SH2D1A: variants seen among roughly 807,000 people sequenced by gnomAD.
SH2D1A encodes SH2 domain containing 1A.
SH2D1A carries 6 observed loss-of-function variants against 10.1 expected under a neutral mutation model. The ratio of observed to expected loss-of-function variants is 0.60; its 90% CI spans 0.33 to 1.18. The LOEUF (loss-of-function observed/expected upper bound fraction) is 1.18. Among genes scored for constraint, SH2D1A ranks in the 50% most tolerant of loss-of-function variants. SH2D1A has a pLI of 0.04. For missense variants in SH2D1A, 51 were observed against 97.6 expected, an observed-to-expected ratio of 0.52 and a Z score of 2.01; for synonymous variants, 42 against 36.9, an observed-to-expected ratio of 1.14 and a Z score of -0.51.
chrX:124,371,832 A>C lies in SH2D1A; in HGVS notation c.*441A>C, dbSNP rs2060070084. ...GTCCCTTGTCTTTGCCAAGTTCTCCACTAGCTATGGTGTCATAGGCTCTTT... is the reference window on the plus strand; with the variant it reads ...GTCCCTTGTCTTTGCCAAGTTCTCCCCTAGCTATGGTGTCATAGGCTCTTT... On this transcript the variant is annotated 3_prime_UTR_variant, in exon 4 of 4. Transcript: ENST00000371139. 1.2e-5 allele frequency: 2 copies of C among 162,280 alleles called. No individual in the cohort carries two copies. The highest frequency in any genetic ancestry group is 2.4e-5 in the Non-Finnish European group (2 of 84,642). 13.4% of individuals were successfully genotyped at this position (162,280 alleles called of 1,213,427 possible). A position where few individuals can be genotyped will look rare whatever the true frequency, so the allele number is the denominator to read the frequency against.
chrX:124,358,846 C>T (rs1056790587), intron 1 of SH2D1A, among the ~76,000 whole-genome samples: 5 of 111,776 alleles, frequency 4.5e-5, no homozygotes, highest in African/African-American at 1.6e-4. Context: ...TTTAACAGGT[C>T]TGGGTGGGGC....
intron 1 of SH2D1A, among the ~76,000 whole-genome samples, chrX:124,356,749 G>C (rs777150128): frequency 8.9e-6 from 1 of 112,341 alleles, no homozygotes; most frequent in Non-Finnish European, 1.9e-5. Flanking sequence ...GTGAGCCATC[G>C]TGCCCAGCCA....
intron 1 of SH2D1A, among the ~76,000 whole-genome samples, chrX:124,356,038 C>T (rs775625402): frequency 9.5e-6 from 1 of 105,775 alleles, no homozygotes; most frequent in African/African-American, 3.5e-5. Flanking sequence ...TTAGGTATAT[C>T]TCCTAATGCT....
intron 2 of SH2D1A, among the ~76,000 whole-genome samples, chrX:124,368,387 G>A (rs1028393173): frequency 1.8e-5 from 2 of 111,368 alleles, no homozygotes; most frequent in African/African-American, 3.3e-5. Flanking sequence ...GTGGTCCGCC[G>A]GTCTCAGCCT....
At chrX:124,364,098 G>C (rs143909487) in intron 1 of SH2D1A, among the ~76,000 whole-genome samples, 3,298 of 108,728 alleles carry the variant, frequency 0.03, 51 homozygotes, top group Middle Eastern at 0.074. Flanking sequence ...AACAGCCTCG[G>C]GCAGGTCCCT....
chrX:124,354,057 A>G (rs1236480454), intron 1 of SH2D1A, among the ~76,000 whole-genome samples: 3 of 112,106 alleles, frequency 2.7e-5, no homozygotes, highest in East Asian at 2.8e-4. Flanking sequence ...ATTCAATTGG[A>G]TATGTGCCTT....
chrX:124,348,780 T>C (rs952314483), intron 1 of SH2D1A, among the ~76,000 whole-genome samples: 4 of 112,147 alleles, frequency 3.6e-5, no homozygotes, highest in Admixed American at 2.8e-4. Context: ...GAACACATAA[T>C]AGGCACTCAG....
intron 1 of SH2D1A, among the ~76,000 whole-genome samples, chrX:124,351,790 CTA>C (rs1305709288): frequency 1.8e-5 from 2 of 110,701 alleles, no homozygotes; most frequent in African/African-American, 3.3e-5. Flanking sequence ...TAAACACACT[CTA>C]TGTGTATATA....
chrX:124,356,523 C>A (rs2060027015), intron 1 of SH2D1A, among the ~76,000 whole-genome samples: 1 of 112,666 alleles, frequency 8.9e-6, no homozygotes, highest in Non-Finnish European at 1.9e-5. Context: ...TCTCAGCTCA[C>A]TGCAACCCCT....
chrX:124,369,420 T>A (rs895773480), intron 2 of SH2D1A, among the ~76,000 whole-genome samples: 5 of 111,965 alleles, frequency 4.5e-5, no homozygotes, highest in African/African-American at 1.6e-4. Context: ...ATTTTAATAG[T>A]CACCTGCAAA....
rs542093817 is a variant in SH2D1A, at chrX:124,360,021, C to T, written c.138-5740C>T. Among the ~76,000 whole-genome samples, 55 of 110,119 alleles carry T rather than the reference C, an allele frequency of 5.0e-4. No homozygotes were observed. In the South Asian group the frequency reaches 0.014, roughly 27 times the overall value. ...CCTAGGTTCAAGTGATTCTCCTGCT[C>T]CAGCCTCCCGAGTAGCTGGGATTAC... On this transcript the variant is annotated intron_variant, in intron 1 of 3. Coordinates refer to ENST00000371139, the MANE Select transcript of SH2D1A (RefSeq NM_002351.5).
intron 1 of SH2D1A, 73 bp downstream of exon 1, chrX:124,346,852 G>C: frequency 8.6e-7 from 1 of 1,158,340 alleles, no homozygotes; most frequent in Admixed American, 2.2e-5. Context: ...GGCCAGGGTG[G>C]AGGCCGAGGC....
chrX:124,363,171 A>G (rs1253636905), intron 1 of SH2D1A, among the ~76,000 whole-genome samples: 2 of 111,986 alleles, frequency 1.8e-5, no homozygotes, highest in South Asian at 3.7e-4. Flanking sequence ...AATATACAAT[A>G]TAGATATAAA....
At chrX:124,363,538 A>G (rs927433717) in intron 1 of SH2D1A, among the ~76,000 whole-genome samples, 1 of 111,251 alleles carries the variant, frequency 9.0e-6, no homozygotes, top group African/African-American at 3.3e-5. Context: ...AGCACAATGA[A>G]TTACTTATGT....
intron 2 of SH2D1A, among the ~76,000 whole-genome samples, chrX:124,368,159 T>C (rs948373998): frequency 9.0e-6 from 1 of 111,234 alleles, no homozygotes. Flanking sequence ...CTGTTTTGTT[T>C]TGTTTTGAGA....
intron 1 of SH2D1A, among the ~76,000 whole-genome samples, chrX:124,354,878 A>T (rs1287723754): frequency 8.9e-6 from 1 of 112,111 alleles, no homozygotes; most frequent in Non-Finnish European, 1.9e-5. Context: ...TTACCATCAC[A>T]CTTGAAGTTG....
At chrX:124,357,151 C>T (rs1430830515) in intron 1 of SH2D1A, among the ~76,000 whole-genome samples, 2 of 111,674 alleles carry the variant, frequency 1.8e-5, no homozygotes, top group African/African-American at 6.5e-5. Context: ...CACGCCCCTA[C>T]GAGCCCCTGG....
At chrX:124,369,996 G>A (rs1038237356) in intron 2 of SH2D1A, among the ~76,000 whole-genome samples, 180 bp from the exon 3 acceptor site, 1 of 111,405 alleles carries the variant, frequency 9.0e-6, no homozygotes. Flanking sequence ...CTCTTGCAGG[G>A]AAATTCAGCC....
intron 1 of SH2D1A, among the ~76,000 whole-genome samples, chrX:124,365,347 C>T (rs1003424755): frequency 9.1e-6 from 1 of 109,325 alleles, no homozygotes; most frequent in Non-Finnish European, 1.9e-5. Flanking sequence ...TTTATGTGGG[C>T]CTGATAGTGT....
Sources: allele counts gnomAD v4.1 joint callset (sites outside exome capture counted in the v4.1 genomes callset), GRCh38; gene constraint gnomAD v4.1.1; transcripts MANE v1.5; gene names NCBI Gene and HGNC (gene_info 2026-07-23, HGNC 2026-07-21).